Variants in CAPN5 observed in about 807,000 individuals in gnomAD.
CAPN5 encodes the protein calpain 5, also known as calpain-5.
A neutral mutation model predicts 73.0 loss-of-function variants in CAPN5; 54 were observed. The observed-to-expected ratio is 0.74, with a 90% CI of 0.59 to 0.93. The LOEUF is 0.93. Ranked by LOEUF, CAPN5 falls within the 40% of genes least tolerant of loss-of-function variation. CAPN5 has a pLI of 0.00. For missense variants in CAPN5, 785 were observed against 882.9 expected (o/e 0.89, Z 1.41); for synonymous variants, 335 against 356.9 (o/e 0.94, Z 0.69).
intron 3 of CAPN5, chr11:77,103,440 C>T: frequency 2.2e-6 from 3 of 1,371,834 alleles, no homozygotes; most frequent in South Asian, 1.4e-5. Context: ...TCAGCCTGTC[C>T]TCTGCTTGCC....
Position 77,103,299 on chromosome 11 carries a change from C to T in CAPN5, c.298-9290C>T, listed in dbSNP as rs1391214954. ...TGGCGAGGGTGTGGAGCCCGCCAAC[C>T]TCAAGGCCTCCGTGGTTTTTAACCA... is the stretch of plus-strand genomic sequence containing the variant. On this transcript the variant is annotated intron_variant, in intron 3 of 12. Coordinates refer to ENST00000648180, the MANE Select transcript of CAPN5 (RefSeq NM_004055.5). 7.4e-6 allele frequency: 12 copies of T among 1,611,520 alleles called. No individual in the cohort carries two copies. The highest frequency in any genetic ancestry group is 2.7e-5 in the African/African-American group (2 of 74,894).
At chr11:77,084,498 A>C (rs1950060869) in intron 1 of CAPN5, among the ~76,000 whole-genome samples, 1 of 152,204 alleles carries the variant, frequency 6.6e-6, no homozygotes, top group Non-Finnish European at 1.5e-5. Context: ...CACACCAGCC[A>C]GGGAGCTGGC....
At chr11:77,112,537 C>T (rs1344129097) in intron 3 of CAPN5, 52 bp from the exon 4 acceptor site, 4 of 1,421,582 alleles carry the variant, frequency 2.8e-6, no homozygotes, top group East Asian at 2.3e-5. Flanking sequence ...CTCAGGAAGC[C>T]GGACATCCCC....
At position 77,121,956 on chromosome 11, in the gene CAPN5, C is replaced by A; in HGVS notation, c.1510C>A (p.Pro504Thr). The change falls in exon 11 of 13, where the codon CCA (proline) becomes ACA (threonine). Residue 504 changes from proline to threonine, a missense_variant. Transcript: ENST00000648180. ...NCRELRLDEP[P>T]HTCWSSLCGY... ...CAGGGAGCTGCGCCTGGATGAGCCC[C>A]CACACACCTGCTGGAGCTCCCTCTG... is the stretch of plus-strand genomic sequence containing the variant. The A allele has an allele frequency of 6.4e-7, 1 of 1,556,194 alleles. No homozygotes were observed. The highest frequency in any genetic ancestry group is 8.7e-7 in the Non-Finnish European group (1 of 1,149,568).
At chr11:77,071,871 G>A (rs1475811281) in intron 1 of CAPN5, among the ~76,000 whole-genome samples, 1 of 152,184 alleles carries the variant, frequency 6.6e-6, no homozygotes, top group African/African-American at 2.4e-5. Context: ...GAGGGGGTAA[G>A]CCCTCTGGCG....
chr11:77,096,554 G>T (rs1247016653), intron 3 of CAPN5, among the ~76,000 whole-genome samples: 3 of 152,210 alleles, frequency 2.0e-5, no homozygotes, highest in African/African-American at 4.8e-5. Flanking sequence ...CCTGATGGGG[G>T]CATTTTAGCT....
intron 3 of CAPN5, among the ~76,000 whole-genome samples, chr11:77,095,773 G>C (rs1950202965): frequency 6.6e-6 from 1 of 152,244 alleles, no homozygotes; most frequent in South Asian, 2.1e-4. Flanking sequence ...GTGAAGAACA[G>C]GCCCAGGACT....
At chr11:77,077,059 T>C (rs1949978274) in intron 1 of CAPN5, among the ~76,000 whole-genome samples, 1 of 152,236 alleles carries the variant, frequency 6.6e-6, no homozygotes, top group African/African-American at 2.4e-5. Context: ...AGACGTATCT[T>C]TTGTAAAAAG....
chr11:77,087,688 G>A (rs1167627016), intron 2 of CAPN5, among the ~76,000 whole-genome samples: 1 of 152,100 alleles, frequency 6.6e-6, no homozygotes, highest in Non-Finnish European at 1.5e-5. Flanking sequence ...CACAGTTTCT[G>A]GAAACCGAAA....
intron 3 of CAPN5, among the ~76,000 whole-genome samples, chr11:77,109,524 G>A (rs1950389533): frequency 6.6e-6 from 1 of 152,176 alleles, no homozygotes; most frequent in Non-Finnish European, 1.5e-5. Context: ...GCTCAAATTA[G>A]CCCATCTTTG....
intron 3 of CAPN5, among the ~76,000 whole-genome samples, chr11:77,102,552 A>G (rs1950296777): frequency 6.6e-6 from 1 of 152,220 alleles, no homozygotes; most frequent in Non-Finnish European, 1.5e-5. Context: ...TGCCACAGCA[A>G]TTGACATCAG....
chr11:77,106,312 T>A (rs1268834335), intron 3 of CAPN5, among the ~76,000 whole-genome samples: 1 of 20,536 alleles, frequency 4.9e-5, no homozygotes, highest in Non-Finnish European at 9.2e-5. Flanking sequence ...TGACACCCCC[T>A]CCCCAAGCTT....
Position 77,112,809 on chromosome 11 carries a change from C to CA in CAPN5, c.506+13dup. 6.2e-7 allele frequency: 1 copy of CA among 1,613,576 alleles called. No homozygotes were observed. Among genetic ancestry groups the CA allele is most frequent in the South Asian group, 1.1e-5 (1 of 90,980 alleles). ...AAGGCCTATGCCAAGTAGGTGCCAG[C>CA]AGCAGGCAGGTGGGTGGGAGGCCCA... is the stretch of plus-strand genomic sequence containing the variant. On this transcript the variant is annotated intron_variant, in intron 4 of 12. Coordinates refer to ENST00000648180, the MANE Select transcript of CAPN5 (RefSeq NM_004055.5).
chr11:77,088,723 G>A (rs1334207953), intron 2 of CAPN5, among the ~76,000 whole-genome samples: 1 of 152,178 alleles, frequency 6.6e-6, no homozygotes, highest in Admixed American at 6.5e-5. Context: ...GATGTGGAGG[G>A]AGCCTCTGCA....
At chr11:77,123,569 C>T (rs1950543997) in intron 12 of CAPN5, 119 bp from the exon 13 acceptor site, 5 of 845,616 alleles carry the variant, frequency 5.9e-6, no homozygotes, top group Non-Finnish European at 7.6e-6. Flanking sequence ...CCAGGGCCCC[C>T]GATCCTCAGC....
intron 4 of CAPN5, 143 bp downstream of exon 4, chr11:77,112,940 GGCCTGAGGGCATAGTCA>G: frequency 2.7e-6 from 2 of 746,358 alleles, no homozygotes; most frequent in Non-Finnish European, 4.5e-6. Context: ...TCAACCGCCA[GGCCTGAGGGCATAGTCA>G]GCTGAGCCTG....
intron 3 of CAPN5, among the ~76,000 whole-genome samples, chr11:77,112,212 C>T (rs543284510): frequency 6.6e-6 from 1 of 152,036 alleles, no homozygotes; most frequent in East Asian, 1.9e-4. Context: ...GCAAAGCAGC[C>T]AGTGGGGCTG....
At chr11:77,086,366 G>A (rs1555035546) in intron 2 of CAPN5, among the ~76,000 whole-genome samples, 1 of 152,174 alleles carries the variant, frequency 6.6e-6, no homozygotes, top group African/African-American at 2.4e-5. Context: ...CTGAGGCCAA[G>A]AGAGGAAGGT....
chr11:77,092,599 C>T (rs539207800), intron 2 of CAPN5, among the ~76,000 whole-genome samples: 16 of 152,376 alleles, frequency 1.1e-4, no homozygotes, highest in African/African-American at 2.9e-4. Flanking sequence ...GGATCATTCC[C>T]GGGTCAGCGG....
Sources: gnomAD v4.1 joint callset for allele counts (sites outside exome capture counted in the v4.1 genomes callset) on GRCh38, gnomAD v4.1.1 for gene constraint, MANE v1.5 for transcripts, NCBI Gene and HGNC (gene_info 2026-07-23, HGNC 2026-07-21) for gene names.